The following EML5 variants were observed in gnomAD, a reference collection of about 807,000 sequenced individuals.
EML5 encodes the protein EMAP like 5, also known as echinoderm microtubule-associated protein-like 5.
EML5 carries 120 observed loss-of-function variants against 250.0 expected under a neutral mutation model. That is an observed-to-expected ratio of 0.48 (90% CI 0.41 to 0.56). The LOEUF is 0.56. Among genes scored for constraint, EML5 ranks in the 20% least tolerant of loss-of-function variants. EML5 has a pLI of 0.00. For missense variants in EML5, 2,006 were observed against 2,437.6 expected, an observed-to-expected ratio of 0.82 and a Z score of 3.73; for synonymous variants, 771 against 806.5, an observed-to-expected ratio of 0.96 and a Z score of 0.75.
At chr14:88,709,667 T>C (rs1332574351) in intron 10 of EML5, among the ~76,000 whole-genome samples, 1 of 152,200 alleles carries the variant, frequency 6.6e-6, no homozygotes, top group Admixed American at 6.5e-5. Flanking sequence ...TATTTTCTTA[T>C]AACGTTCACA....
intron 7 of EML5, among the ~76,000 whole-genome samples, chr14:88,735,010 A>G (rs1050554950): frequency 5.9e-5 from 9 of 152,196 alleles, no homozygotes; most frequent in Non-Finnish European, 1.3e-4. Context: ...ACACTGTGTG[A>G]TAACAGTATT....
At chr14:88,686,260 CAG>C (rs572807044) in intron 19 of EML5, among the ~76,000 whole-genome samples, 22 of 152,038 alleles carry the variant, frequency 1.4e-4, no homozygotes, top group Non-Finnish European at 2.8e-4. Context: ...GCCCAGAAGT[CAG>C]AGAGAGTGTG....
At chr14:88,662,560 T>A (rs12888815) in intron 24 of EML5, among the ~76,000 whole-genome samples, 16,882 of 144,350 alleles carry the variant, frequency 0.12, 1,155 homozygotes, top group African/African-American at 0.16. Flanking sequence ...TTTTTTTTTT[T>A]AATACAGGGT....
intron 4 of EML5, 84 bp from the exon 5 acceptor site, chr14:88,740,656 A>G: frequency 8.3e-7 from 1 of 1,205,690 alleles, no homozygotes; most frequent in Non-Finnish European, 1.1e-6. Flanking sequence ...ATGCTATATT[A>G]GAGCAGTGAG....
chr14:88,784,457 T>C (rs2094530525), intron 1 of EML5, among the ~76,000 whole-genome samples: 1 of 151,722 alleles, frequency 6.6e-6, no homozygotes, highest in Admixed American at 6.6e-5. Flanking sequence ...AAGGAGACAT[T>C]ACAACTGATA....
intron 1 of EML5, among the ~76,000 whole-genome samples, chr14:88,760,591 A>T (rs1031609030): frequency 2.0e-5 from 3 of 152,196 alleles, no homozygotes; most frequent in African/African-American, 7.2e-5. Flanking sequence ...TTAAAATTGA[A>T]TACTGTGAGT....
chr14:88,733,415 T>G (rs1442203159), intron 7 of EML5, among the ~76,000 whole-genome samples: 4 of 152,252 alleles, frequency 2.6e-5, no homozygotes, highest in Admixed American at 2.6e-4. Flanking sequence ...TTAAGGTGAT[T>G]GACATTTTAA....
chr14:88,688,561 G>C (rs1772619909), intron 17 of EML5, 88 bp from the exon 18 acceptor site: 3 of 1,375,678 alleles, frequency 2.2e-6, no homozygotes, highest in East Asian at 4.6e-5. Flanking sequence ...TGTTGTTGTT[G>C]TTGTTTGAAT....
At chr14:88,770,587 A>C (rs1375075668) in intron 1 of EML5, among the ~76,000 whole-genome samples, 1 of 152,128 alleles carries the variant, frequency 6.6e-6, no homozygotes, top group Non-Finnish European at 1.5e-5. Flanking sequence ...TAGGAGCTGA[A>C]TGTATTGCTT....
At chr14:88,776,532 T>C (rs1428335230) in intron 1 of EML5, among the ~76,000 whole-genome samples, 5 of 151,406 alleles carry the variant, frequency 3.3e-5, no homozygotes, top group African/African-American at 9.7e-5. Flanking sequence ...AAGAAAGAAT[T>C]AGTGAGTCTG....
chr14:88,745,839 A>G (rs2093997014), intron 3 of EML5, among the ~76,000 whole-genome samples: 1 of 152,218 alleles, frequency 6.6e-6, no homozygotes, highest in Non-Finnish European at 1.5e-5. Context: ...CCTAATGTAG[A>G]TGATGGGTTG....
chr14:88,743,316 A>C (rs1314236289), intron 4 of EML5, among the ~76,000 whole-genome samples: 2 of 152,088 alleles, frequency 1.3e-5, no homozygotes, highest in Non-Finnish European at 2.9e-5. Flanking sequence ...GATGATAGCT[A>C]ATTACCCTAA....
In EML5 at chr14:88,664,579, T is replaced by C. The variant is rs774974736; in HGVS notation, c.3323A>G (p.Asp1108Gly). The change falls in exon 23 of 44, where the codon GAT becomes GGT. Residue 1108 changes from aspartate to glycine, a missense_variant. Coordinates refer to ENST00000554922, the MANE Select transcript of EML5 (RefSeq NM_183387.3). ...LAVASHDSFI[D>G]IYNVMSSKRV... ...TTTACTACTCATTACATTGTATATA[T>C]CTATAAAGCTGTCATGGGATGCTAC... 1 of 1,609,662 alleles carries C rather than the reference T, an allele frequency of 6.2e-7. No homozygotes were observed. Among genetic ancestry groups the C allele is most frequent in the South Asian group, 1.1e-5 (1 of 89,748 alleles).
intron 27 of EML5, among the ~76,000 whole-genome samples, chr14:88,655,538 A>G (rs1250598501): frequency 5.9e-5 from 9 of 152,190 alleles, no homozygotes; most frequent in Admixed American, 5.9e-4. Flanking sequence ...AAGAAAACCT[A>G]GCTAATACCA....
intron 39 of EML5, chr14:88,619,725 G>A (rs1168248614): frequency 1.3e-5 from 2 of 152,040 alleles, no homozygotes; most frequent in East Asian, 3.9e-4. Flanking sequence ...TTGTCTCCCA[G>A]GCTGGAGTGC....
chr14:88,792,588 T>TGGCTGCCGGGACTTCCCGCC lies in EML5; in HGVS notation c.-105_-86dup, dbSNP rs2094622356. On this transcript the variant is annotated 5_prime_UTR_variant, in exon 1 of 44. Transcript: ENST00000554922. This position sits in a 1 kb window ranked among gnomAD's most constrained non-coding sequence, Gnocchi z 6.9. ...GGCCCGGCAACGAAAGCCCTCCCGC[T>TGGCTGCCGGGACTTCCCGCC]GGCTGCCGGGACTTCCCGCCAGCCG... The TGGCTGCCGGGACTTCCCGCC allele has an allele frequency of 4.2e-6, 5 of 1,177,670 alleles. No homozygotes were observed. The highest frequency in any genetic ancestry group is 4.7e-5 in the Admixed American group (1 of 21,266). 73.0% of individuals were successfully genotyped at this position (1,177,670 alleles called of 1,614,324 possible).
chr14:88,624,858 G>A (rs200252116), intron 36 of EML5, 112 bp downstream of exon 36: 30 of 1,158,004 alleles, frequency 2.6e-5, no homozygotes, highest in East Asian at 5.2e-5. Context: ...CATATGAGGA[G>A]GAAGGTCGGA....
At chr14:88,737,497 C>T (rs1353609020) in intron 6 of EML5, among the ~76,000 whole-genome samples, 1 of 152,226 alleles carries the variant, frequency 6.6e-6, no homozygotes, top group Non-Finnish European at 1.5e-5. Context: ...AGCCTGGAGC[C>T]CAGTGCAGCC....
rs567204489 is a variant in EML5, at chr14:88,683,777, T to A, written c.2982+1238A>T. 2.6e-5 allele frequency among the ~76,000 whole-genome samples: 4 copies of A among 152,160 alleles called. No homozygotes were observed. The East Asian group carries it at 7.7e-4, about 29-fold the overall frequency. On this transcript the variant is annotated intron_variant, in intron 20 of 43. Transcript: ENST00000554922. ...CATTTGATGAAAATGCTCCACAAAT[T>A]TGGAATAAAAGGGTAGTAACTCCTC...
Sources: allele counts gnomAD v4.1 joint callset (sites outside exome capture counted in the v4.1 genomes callset), GRCh38; gene constraint gnomAD v4.1.1; non-coding constraint Gnocchi (gnomAD v3.1); transcripts MANE v1.5; gene names NCBI Gene and HGNC (gene_info 2026-07-23, HGNC 2026-07-21).